Variants in ABCB1 observed in about 807,000 individuals in gnomAD.
ABCB1 encodes the protein ATP-dependent translocase ABCB1.
In ABCB1, 69 loss-of-function variants were observed where a neutral mutation model predicts 142.0. The observed-to-expected ratio is 0.49, with a 90% CI of 0.40 to 0.59. The LOEUF (loss-of-function observed/expected upper bound fraction) is 0.59. Ranked by LOEUF, ABCB1 falls within the 20% of genes least tolerant of loss-of-function variation. The probability of loss-of-function intolerance (pLI) is 0.00; values close to 1 mark genes in which losing one functional copy is unlikely to be tolerated. For missense variants in ABCB1, 1,326 were observed against 1,554.7 expected (o/e 0.85, Z 2.47); for synonymous variants, 532 against 539.2 (o/e 0.99, Z 0.18).
intron 25 of ABCB1, among the ~76,000 whole-genome samples, chr7:87,510,549 T>G (rs1038049370): frequency 1.3e-5 from 2 of 152,244 alleles, no homozygotes; most frequent in African/African-American, 4.8e-5. Context: ...AGAGAGCTGT[T>G]CATCCCTTCT....
At position 87,682,769 on chromosome 7, in the gene ABCB1, T is replaced by C. The variant is rs537794702; in HGVS notation, c.-331+30392A>G. Among the ~76,000 whole-genome samples the C allele has an allele frequency of 3.7e-4, 56 of 152,266 alleles. 1 individual carries two copies. In the South Asian group the frequency reaches 0.011, roughly 29 times the overall value. On this transcript the variant is annotated intron_variant, in intron 1 of 28. Transcript: ENST00000265724. ...GCATAATTCTTAAATACCCTAGGATTTTTTGGAATGGTAAATAAGCATTGG... is the reference window on the plus strand; with the variant it reads ...GCATAATTCTTAAATACCCTAGGATCTTTTGGAATGGTAAATAAGCATTGG...
intron 20 of ABCB1, among the ~76,000 whole-genome samples, chr7:87,534,890 G>T (rs1816211642): frequency 7.1e-6 from 1 of 141,650 alleles, no homozygotes; most frequent in Non-Finnish European, 1.5e-5. Flanking sequence ...AGTCTGGCCT[G>T]GGCTACAAAG....
At chr7:87,636,543 A>G (rs1446554747) in intron 1 of ABCB1, among the ~76,000 whole-genome samples, 1 of 152,100 alleles carries the variant, frequency 6.6e-6, no homozygotes, top group Non-Finnish European at 1.5e-5. Flanking sequence ...GTATGTTTTG[A>G]TGAATAGAAA....
At chr7:87,600,090 A>G in intron 2 of ABCB1, 27 bp downstream of exon 2, 2 of 1,589,660 alleles carry the variant, frequency 1.3e-6, no homozygotes, top group Non-Finnish European at 1.7e-6. Context: ...AACTATGTAA[A>G]CTATGAAAAT....
At chr7:87,507,284 A>G (rs1814790589) in intron 26 of ABCB1, among the ~76,000 whole-genome samples, 1 of 152,190 alleles carries the variant, frequency 6.6e-6, no homozygotes, top group Non-Finnish European at 1.5e-5. Flanking sequence ...GGCAAAGTAT[A>G]TTTAAAAAGA....
chr7:87,667,777 T>C (rs548557579), intron 1 of ABCB1, among the ~76,000 whole-genome samples: 1 of 152,308 alleles, frequency 6.6e-6, no homozygotes, highest in Admixed American at 6.5e-5. Context: ...GTTTATGTGA[T>C]GAATCATGTT....
intron 1 of ABCB1, among the ~76,000 whole-genome samples, chr7:87,623,879 T>G (rs1820314998): frequency 6.6e-6 from 1 of 152,158 alleles, no homozygotes; most frequent in Non-Finnish European, 1.5e-5. Context: ...TGTCCCTCTG[T>G]TCAATATTCC....
At position 87,566,821 on chromosome 7, in the gene ABCB1, A is replaced by C. The variant is rs762489515; in HGVS notation, c.494T>G (p.Val165Gly). The C allele has an allele frequency of 6.2e-7, 1 of 1,614,232 alleles. No homozygotes were observed. Among genetic ancestry groups the C allele is most frequent in the South Asian group, 1.1e-5 (1 of 91,086 alleles). The change falls in exon 6 of 28, where the codon GTG becomes GGG. Residue 165 changes from valine to glycine, a missense_variant. Transcript: ENST00000622132. Reference protein sequence around the residue: ...IMRQEIGWFDVHDVGELNTRL... With the variant: ...IMRQEIGWFDGHDVGELNTRL... ...GGTGTTAAGCTCCCCAACATCGTGCACATCAAACCAGCCTATCTCCTGTCG... is the reference window on the plus strand; with the variant it reads ...GGTGTTAAGCTCCCCAACATCGTGCCCATCAAACCAGCCTATCTCCTGTCG...
chr7:87,592,568 A>C (rs1469025432), intron 3 of ABCB1, among the ~76,000 whole-genome samples: 3 of 152,216 alleles, frequency 2.0e-5, no homozygotes, highest in Admixed American at 6.5e-5. Context: ...GAGAGATAAC[A>C]GTTTAACCAG....
rs961321637 is a variant in ABCB1 at position 87,631,094 on chromosome 7, T to C, written c.-330-30016A>G. 2.6e-5 allele frequency among the ~76,000 whole-genome samples: 4 copies of C among 152,232 alleles called. No individual in the cohort carries two copies. The East Asian group carries it at 7.7e-4, about 29-fold the overall frequency. On this transcript the variant is annotated intron_variant, in intron 1 of 28. Coordinates refer to the ABCB1 transcript ENST00000265724. ...TAAGTTGTGGTTTCTGCTCTGGATT[T>C]CATTTGTATTGTTATTTATATGGAT... is the stretch of plus-strand genomic sequence containing the variant.
At chr7:87,657,974 A>G (rs1173845876) in intron 1 of ABCB1, among the ~76,000 whole-genome samples, 1 of 152,198 alleles carries the variant, frequency 6.6e-6, no homozygotes, top group African/African-American at 2.4e-5. Context: ...CCAGAGTTTC[A>G]TAACATAATA....
chr7:87,561,027 G>C (rs989041694), intron 8 of ABCB1, among the ~76,000 whole-genome samples: 1 of 152,100 alleles, frequency 6.6e-6, no homozygotes, highest in Non-Finnish European at 1.5e-5. Flanking sequence ...TCAGTCTTTG[G>C]AAACTATTTT....
chr7:87,678,714 A>G (rs1312447563), intron 1 of ABCB1, among the ~76,000 whole-genome samples: 1 of 152,188 alleles, frequency 6.6e-6, no homozygotes, highest in Non-Finnish European at 1.5e-5. Flanking sequence ...AGTGATAAAG[A>G]TAGGTTAAAA....
At chr7:87,560,736 A>C (rs1038595930) in intron 8 of ABCB1, among the ~76,000 whole-genome samples, 4 of 152,226 alleles carry the variant, frequency 2.6e-5, no homozygotes, top group African/African-American at 9.6e-5. Flanking sequence ...TCAATAAATT[A>C]CCATCTATGC....
At chr7:87,529,219 C>G (rs1815925367) in intron 21 of ABCB1, among the ~76,000 whole-genome samples, 1 of 152,126 alleles carries the variant, frequency 6.6e-6, no homozygotes, top group South Asian at 2.1e-4. Context: ...CTTGATCTCT[C>G]TGAATCTTGG....
chr7:87,675,614 C>A, intron 1 of ABCB1, among the ~76,000 whole-genome samples: 1 of 125,802 alleles, frequency 7.9e-6, no homozygotes, highest in Non-Finnish European at 1.6e-5. Flanking sequence ...AGGATAATCT[C>A]TTCAGTAAAT....
exon 1 of ABCB1, chr7:87,713,227 G>T (rs1830249469): frequency 6.6e-6 from 1 of 152,122 alleles, no homozygotes; most frequent in South Asian, 2.1e-4. Context: ...TAATCTTTAG[G>T]AATCTGGAGA....
At chr7:87,633,773 T>C (rs1037405570) in intron 1 of ABCB1, among the ~76,000 whole-genome samples, 9 of 152,194 alleles carry the variant, frequency 5.9e-5, no homozygotes, top group African/African-American at 1.9e-4. Context: ...AAAAACTGTC[T>C]AGTCTATGCT....
At chr7:87,557,008 T>G (rs1308694082) in intron 8 of ABCB1, among the ~76,000 whole-genome samples, 1 of 152,180 alleles carries the variant, frequency 6.6e-6, no homozygotes, top group African/African-American at 2.4e-5. Context: ...TGGCTTGCTT[T>G]TTCTCATCCC....
Sources: gnomAD v4.1 joint callset for allele counts (sites outside exome capture counted in the v4.1 genomes callset) on GRCh38, gnomAD v4.1.1 for gene constraint, MANE v1.5 for transcripts, NCBI Gene and HGNC (gene_info 2026-07-23, HGNC 2026-07-21) for gene names.